The following TRAF2 variants were observed in gnomAD, a reference collection of about 807,000 sequenced individuals.
TRAF2 encodes the protein TNF receptor-associated factor 2.
TRAF2 carries 6 observed loss-of-function variants against 55.6 expected under a neutral mutation model. The observed-to-expected ratio is 0.11, with a 90% CI of 0.06 to 0.21. The LOEUF is 0.21. TRAF2 is among the 10% of genes least tolerant of loss of function. The probability of loss-of-function intolerance (pLI) is 1.00; values close to 1 mark genes in which losing one functional copy is unlikely to be tolerated. For synonymous variants in TRAF2, 329 were observed against 276.3 expected (o/e 1.19, Z -1.89); for missense variants, 561 against 684.5 (o/e 0.82, Z 2.01).
intron 6 of TRAF2, 181 bp downstream of exon 6, chr9:136,910,175 CG>C: frequency 3.0e-6 from 2 of 663,240 alleles, no homozygotes; most frequent in Admixed American, 2.4e-5. Flanking sequence ...CTGAGTGGGC[CG>C]GGGGCCAGGT....
intron 1 of TRAF2, among the ~76,000 whole-genome samples, chr9:136,888,227 C>T (rs1161901750): frequency 6.6e-6 from 1 of 152,194 alleles, no homozygotes; most frequent in African/African-American, 2.4e-5. Flanking sequence ...ATATTCATGG[C>T]TGCATGCAGA....
intron 4 of TRAF2, chr9:136,901,999 T>TGA (rs1428253869): frequency 1.3e-5 from 2 of 152,208 alleles, no homozygotes; most frequent in East Asian, 3.8e-4. Context: ...GTGTCTGGGG[T>TGA]GAACAAGATG....
intron 6 of TRAF2, among the ~76,000 whole-genome samples, chr9:136,915,918 G>T (rs914465251): frequency 4.6e-5 from 7 of 152,028 alleles, no homozygotes; most frequent in African/African-American, 1.4e-4. Flanking sequence ...GCATGTGTGG[G>T]TTTGGTTTTC....
intron 9 of TRAF2, 77 bp downstream of exon 9, chr9:136,921,292 T>C: frequency 6.4e-7 from 1 of 1,567,268 alleles, no homozygotes. Flanking sequence ...TGTGACCACA[T>C]AGGATGGCTC....
At position 136,926,504 on chromosome 9, in the gene TRAF2, T is replaced by G. The variant is rs1346675279; in HGVS notation, c.*603T>G. 4.7e-6 allele frequency: 1 copy of G among 212,250 alleles called. No homozygotes were observed. Among genetic ancestry groups the G allele is most frequent in the Non-Finnish European group, 9.7e-6 (1 of 103,016 alleles). The allele number at this position is 212,250 out of a possible 1,614,324, so 13.1% of individuals were successfully genotyped here. A position where few individuals can be genotyped will look rare whatever the true frequency, so the allele number is the denominator to read the frequency against. On this transcript the variant is annotated 3_prime_UTR_variant, in exon 11 of 11. Transcript: ENST00000247668. ...AGAGGGTCTGGTCCCACGCCGCCTC[T>G]GCTCAGACCACTGTGTGGGAGGTGC...
At chr9:136,899,459 C>A in intron 2 of TRAF2, 135 bp from the exon 3 acceptor site, 1 of 674,134 alleles carries the variant, frequency 1.5e-6, no homozygotes, top group Non-Finnish European at 2.5e-6. Flanking sequence ...TTAACATTTG[C>A]CTGCTGTTGG....
At chr9:136,910,686 A>G (rs924285874) in intron 6 of TRAF2, among the ~76,000 whole-genome samples, 1 of 152,216 alleles carries the variant, frequency 6.6e-6, no homozygotes, top group African/African-American at 2.4e-5. Context: ...CCATCTGGGC[A>G]GCTACAGGAG....
chr9:136,925,790 C>T lies in TRAF2; in HGVS notation c.1395C>T (p.Ile465=), dbSNP rs776544531. ...SFQRPVNDMN[I]ASGCPLFCPV... The stretch of plus-strand genomic sequence containing the variant: ...AGAGGCCAGTCAACGACATGAACAT[C>T]GCAAGCGGCTGCCCCCTCTTCTGCC... The change falls in exon 11 of 11, where the codon ATC becomes ATT. Residue 465 remains isoleucine (I), a synonymous_variant. Transcript: ENST00000247668. 43 of 1,614,114 alleles carry T rather than the reference C, an allele frequency of 2.7e-5. No individual in the cohort carries two copies. The highest frequency in any genetic ancestry group is 5.5e-5 in the South Asian group (5 of 91,094).
At chr9:136,903,956 A>G (rs1849885344) in intron 4 of TRAF2, among the ~76,000 whole-genome samples, 1 of 152,188 alleles carries the variant, frequency 6.6e-6, no homozygotes, top group Non-Finnish European at 1.5e-5. Context: ...TGCTGGGATT[A>G]CAGGCGTGAG....
At chr9:136,885,631 G>A (rs759981930), upstream of TRAF2, among the ~76,000 whole-genome samples, 1 of 152,194 alleles carries the variant, frequency 6.6e-6, no homozygotes, top group Non-Finnish European at 1.5e-5. Context: ...AGCCGGGCGT[G>A]ATGGCGGGCG....
chr9:136,892,319 C>G (rs570919050), intron 1 of TRAF2, among the ~76,000 whole-genome samples: 65 of 151,960 alleles, frequency 4.3e-4, no homozygotes, highest in Admixed American at 9.2e-4. Flanking sequence ...AAAAAATTAG[C>G]TGGGCATGGT....
intron 4 of TRAF2, among the ~76,000 whole-genome samples, chr9:136,907,114 T>G (rs894429552): frequency 2.0e-5 from 3 of 152,216 alleles, no homozygotes; most frequent in Non-Finnish European, 2.9e-5. Flanking sequence ...GGCCTGGGTG[T>G]GGCGAGGAGC....
intron 6 of TRAF2, among the ~76,000 whole-genome samples, chr9:136,914,247 C>T (rs918842720): frequency 1.3e-5 from 2 of 152,188 alleles, no homozygotes; most frequent in African/African-American, 4.8e-5. Flanking sequence ...CCGTGGGCAG[C>T]CTGGGGGACT....
intron 1 of TRAF2, among the ~76,000 whole-genome samples, chr9:136,888,819 T>C (rs934137603): frequency 6.6e-6 from 1 of 152,142 alleles, no homozygotes; most frequent in Admixed American, 6.5e-5. Context: ...GGGTGTCCCA[T>C]TGTGAAGGGA....
chr9:136,910,087 C>A, intron 6 of TRAF2, 93 bp downstream of exon 6: 1 of 1,337,516 alleles, frequency 7.5e-7, no homozygotes, highest in South Asian at 1.2e-5. Flanking sequence ...AGGTTATGAC[C>A]CTTGTGCCCA....
chr9:136,883,170 A>G (rs1390951836), upstream of TRAF2, among the ~76,000 whole-genome samples: 1 of 150,896 alleles, frequency 6.6e-6, no homozygotes, highest in Non-Finnish European at 1.5e-5. Flanking sequence ...ATGCCCAGCC[A>G]GTTTTTTTTT....
At chr9:136,885,540 G>A (rs1218851755), upstream of TRAF2, among the ~76,000 whole-genome samples, 1 of 152,184 alleles carries the variant, frequency 6.6e-6, no homozygotes, top group East Asian at 1.9e-4. Context: ...GCCATAGGTT[G>A]TGTTTTCACT....
intron 1 of TRAF2, among the ~76,000 whole-genome samples, chr9:136,891,348 TC>T (rs1290841078): frequency 6.6e-6 from 1 of 151,942 alleles, no homozygotes; most frequent in African/African-American, 2.4e-5. Flanking sequence ...GACCTCATGA[TC>T]CGCCCGCCTC....
At chr9:136,901,084 G>T (rs1849809752) in intron 4 of TRAF2, among the ~76,000 whole-genome samples, 1 of 152,228 alleles carries the variant, frequency 6.6e-6, no homozygotes, top group Non-Finnish European at 1.5e-5. Context: ...ACTTCACTTG[G>T]CTGTGGTTTG....
Sources: allele counts gnomAD v4.1 joint callset (sites outside exome capture counted in the v4.1 genomes callset), GRCh38; gene constraint gnomAD v4.1.1; transcripts MANE v1.5; gene names NCBI Gene and HGNC (gene_info 2026-07-23, HGNC 2026-07-21).